CNST: variants seen among roughly 807,000 people sequenced by gnomAD.
CNST encodes the protein consortin.
Under a neutral mutation model 72.4 loss-of-function variants are expected in CNST, and 39 were observed. That is an observed-to-expected ratio of 0.54 (90% CI 0.42 to 0.70). The LOEUF (loss-of-function observed/expected upper bound fraction) is 0.70, where lower values mean the gene tolerates loss of function less well. Ranked by LOEUF, CNST falls within the 30% of genes least tolerant of loss-of-function variation. The probability of loss-of-function intolerance (pLI) is 0.00; values close to 1 mark genes in which losing one functional copy is unlikely to be tolerated. For missense variants in CNST, 871 were observed against 868.5 expected, an observed-to-expected ratio of 1.00 and a Z score of -0.04; for synonymous variants, 332 against 320.1, an observed-to-expected ratio of 1.04 and a Z score of -0.40.
At chr1:246,628,656 C>T (rs1037708762) in intron 3 of CNST, among the ~76,000 whole-genome samples, 3 of 152,250 alleles carry the variant, frequency 2.0e-5, no homozygotes, top group Admixed American at 6.5e-5. Context: ...CTCCCTTGGG[C>T]CTCTTTTGTA....
At chr1:246,589,270 C>G (rs1304345759) in intron 1 of CNST, among the ~76,000 whole-genome samples, 1 of 133,864 alleles carries the variant, frequency 7.5e-6, no homozygotes. Flanking sequence ...CCCCCTCCCC[C>G]CACCCCACAA....
intron 2 of CNST, among the ~76,000 whole-genome samples, chr1:246,610,903 G>T (rs1157646241): frequency 6.6e-6 from 1 of 152,106 alleles, no homozygotes; most frequent in East Asian, 1.9e-4. Flanking sequence ...CCTGGCTTTA[G>T]ATTGTCTAGT....
intron 3 of CNST, among the ~76,000 whole-genome samples, chr1:246,629,001 A>T (rs1664613045): frequency 6.6e-6 from 1 of 152,178 alleles, no homozygotes; most frequent in Admixed American, 6.5e-5. Flanking sequence ...CTAGATACAT[A>T]GTCTCTCTGT....
At chr1:246,579,970 C>G (rs185462557) in intron 1 of CNST, among the ~76,000 whole-genome samples, 58 of 152,122 alleles carry the variant, frequency 3.8e-4, no homozygotes, top group African/African-American at 1.4e-3. Context: ...TCACAGCTGG[C>G]GAGTATCAGA....
At chr1:246,608,299 C>T (rs539900844) in intron 2 of CNST, among the ~76,000 whole-genome samples, 1 of 152,158 alleles carries the variant, frequency 6.6e-6, no homozygotes, top group African/African-American at 2.4e-5. Context: ...ATGATCCTGC[C>T]ACTGTACTGT....
chr1:246,634,819 G>T (rs1665047400), intron 6 of CNST, among the ~76,000 whole-genome samples: 1 of 152,232 alleles, frequency 6.6e-6, no homozygotes. Context: ...GTGCAGACGG[G>T]CTGAGGCCTA....
intron 9 of CNST, among the ~76,000 whole-genome samples, chr1:246,649,768 C>T (rs1666347719): frequency 6.6e-6 from 1 of 151,260 alleles, no homozygotes; most frequent in African/African-American, 2.4e-5. Flanking sequence ...ATAATAGGAA[C>T]TTTTGGAATT....
At chr1:246,569,995 G>A (rs2102997504) in intron 1 of CNST, 1 of 785,198 alleles carries the variant, frequency 1.3e-6, no homozygotes, top group Non-Finnish European at 1.5e-6. Flanking sequence ...TTTCAGGTAA[G>A]GCTAAGAGTT....
chr1:246,609,661 A>G (rs1663170879), intron 2 of CNST, among the ~76,000 whole-genome samples: 1 of 152,246 alleles, frequency 6.6e-6, no homozygotes, highest in South Asian at 2.1e-4. Flanking sequence ...GAAACATGTC[A>G]GAAAAAGGGA....
chr1:246,603,998 T>C (rs1572157684), intron 2 of CNST, among the ~76,000 whole-genome samples: 1 of 152,014 alleles, frequency 6.6e-6, no homozygotes, highest in Non-Finnish European at 1.5e-5. Context: ...CCTAGGCGGG[T>C]GGATCACCTG....
chr1:246,595,725 T>C (rs1302425368), intron 2 of CNST, among the ~76,000 whole-genome samples: 1 of 152,114 alleles, frequency 6.6e-6, no homozygotes, highest in East Asian at 1.9e-4. Flanking sequence ...TGTAACACTT[T>C]TTAGAAAATG....
Position 246,641,753 on chromosome 1 carries a change from CT to C in CNST, c.827del (p.Leu276TyrfsTer6). 1.5e-6 allele frequency: 2 copies of C among 1,348,108 alleles called. No homozygotes were observed. The highest frequency in any genetic ancestry group is 1.9e-5 in the Admixed American group (1 of 53,662). 83.5% of individuals were successfully genotyped at this position (1,348,108 alleles called of 1,614,324 possible). On this transcript the variant is annotated frameshift_variant, in exon 7 of 11. Transcript: ENST00000366513. LOFTEE classifies it high-confidence loss of function. ...TTTCTTTCTTTTTTCCTACAGTCCT[CT>C]TTTATCCAAACATAAGGTAAGAGAT... ...TKICATHQDP[L>X]LSKHKIAAVE...
chr1:246,585,523 T>A (rs1355228684), intron 1 of CNST, among the ~76,000 whole-genome samples: 1 of 151,258 alleles, frequency 6.6e-6, no homozygotes, highest in Non-Finnish European at 1.5e-5. Flanking sequence ...GGTGCATGCC[T>A]GTAATCCCAG....
intron 10 of CNST, among the ~76,000 whole-genome samples, chr1:246,662,451 C>T (rs1052804158): frequency 1.7e-4 from 26 of 152,090 alleles, no homozygotes; most frequent in Non-Finnish European, 2.4e-4. Context: ...TGCAGTGGTG[C>T]GATCTTGGCT....
At chr1:246,653,003 CAA>C (rs201486368) in intron 9 of CNST, among the ~76,000 whole-genome samples, 33 of 101,456 alleles carry the variant, frequency 3.3e-4, no homozygotes, top group Admixed American at 5.3e-4. Context: ...GACTCTGTCT[CAA>C]AAAAAAAAAA....
intron 8 of CNST, among the ~76,000 whole-genome samples, chr1:246,646,116 A>G (rs1666048171): frequency 6.6e-6 from 1 of 151,530 alleles, no homozygotes; most frequent in Non-Finnish European, 1.5e-5. Flanking sequence ...CATCTCTACT[A>G]AAAAATACCA....
chr1:246,606,333 G>C (rs955684565), intron 2 of CNST: 4 of 152,040 alleles, frequency 2.6e-5, no homozygotes, highest in Non-Finnish European at 4.4e-5. Context: ...GGTTTGTTGG[G>C]TCCCATCCCT....
At chr1:246,652,016 C>T (rs1219329056) in intron 9 of CNST, among the ~76,000 whole-genome samples, 1 of 152,134 alleles carries the variant, frequency 6.6e-6, no homozygotes, top group Non-Finnish European at 1.5e-5. Flanking sequence ...ATCTAACAGT[C>T]GTCTGGCACC....
Position 246,634,508 on chromosome 1 carries a change from A to T in CNST, c.739A>T (p.Thr247Ser), listed in dbSNP as rs147921633. The change falls in exon 6 of 11, where the codon ACG (threonine) becomes TCG (serine). Residue 247 changes from threonine to serine, a missense_variant. Physicochemically the swap from Thr to Ser is moderately conservative, Grantham distance 58. Transcript: ENST00000366513. ...KWKTVQPHTV[T>S]ALRNSEKGFN... ...GAAAACTGTGCAACCACATACAGTT[A>T]CGGCTCTAAGGAATTCAGAAAAGGG... 30 of 1,605,182 alleles carry T rather than the reference A, an allele frequency of 1.9e-5. No homozygotes were observed. In the African/African-American group the frequency reaches 3.1e-4, roughly 17 times the overall value.
Sources: allele counts gnomAD v4.1 joint callset (sites outside exome capture counted in the v4.1 genomes callset), GRCh38; gene constraint gnomAD v4.1.1; transcripts MANE v1.5; gene names NCBI Gene and HGNC (gene_info 2026-07-23, HGNC 2026-07-21).